ADGRL3: variants seen among roughly 807,000 people sequenced by gnomAD.
ADGRL3 encodes adhesion G protein-coupled receptor L3.
ADGRL3 carries 62 observed loss-of-function variants against 153.5 expected under a neutral mutation model. The observed-to-expected ratio is 0.40, with a 90% CI of 0.33 to 0.50. ADGRL3 has a LOEUF of 0.50. ADGRL3 is among the 20% of genes least tolerant of loss of function. The pLI is 0.47. For synonymous variants in ADGRL3, 710 were observed against 672.5 expected, an observed-to-expected ratio of 1.06 and a Z score of -0.86; for missense variants, 1,641 against 1,859.4, an observed-to-expected ratio of 0.88 and a Z score of 2.16.
intron 2 of ADGRL3, among the ~76,000 whole-genome samples, chr4:61,400,004 G>A (rs2096911158): frequency 6.6e-6 from 1 of 151,702 alleles, no homozygotes; most frequent in African/African-American, 2.4e-5. Flanking sequence ...ATACCCCTGA[G>A]ACAATATAAT....
At chr4:61,743,406 G>C (rs2096609212) in intron 8 of ADGRL3, among the ~76,000 whole-genome samples, 1 of 151,006 alleles carries the variant, frequency 6.6e-6, no homozygotes, top group South Asian at 2.1e-4. Context: ...TTCGGTATTT[G>C]TTGACATTAA....
intron 1 of ADGRL3, among the ~76,000 whole-genome samples, chr4:61,245,517 G>C (rs1191620130): frequency 1.3e-5 from 2 of 152,040 alleles, no homozygotes; most frequent in East Asian, 1.9e-4. Context: ...TACAACACAA[G>C]AGGCATTGTC....
At chr4:61,685,254 A>G (rs1012184339) in intron 6 of ADGRL3, among the ~76,000 whole-genome samples, 6 of 152,188 alleles carry the variant, frequency 3.9e-5, no homozygotes, top group Admixed American at 3.3e-4. Context: ...GCTAGTAATA[A>G]GTTCTTACAG....
At chr4:61,902,445 C>T (rs994737796) in intron 11 of ADGRL3, among the ~76,000 whole-genome samples, 7 of 152,294 alleles carry the variant, frequency 4.6e-5, no homozygotes, top group Non-Finnish European at 7.3e-5. Flanking sequence ...CCTGAACCCT[C>T]TAATCCTTTC....
At chr4:61,324,571 A>G (rs983264169) in intron 1 of ADGRL3, among the ~76,000 whole-genome samples, 16 of 152,226 alleles carry the variant, frequency 1.1e-4, no homozygotes, top group African/African-American at 3.9e-4. Flanking sequence ...TTTAGATTAT[A>G]AAATTGACTT....
chr4:61,262,665 A>G (rs62312903), intron 1 of ADGRL3, among the ~76,000 whole-genome samples: 10,056 of 152,112 alleles, frequency 0.066, 471 homozygotes, highest in Non-Finnish European at 0.096. Context: ...GTCATTGTTA[A>G]GAGCGTTTAT....
intron 9 of ADGRL3, among the ~76,000 whole-genome samples, chr4:61,842,580 A>G (rs1018113320): frequency 1.2e-4 from 18 of 152,062 alleles, no homozygotes; most frequent in African/African-American, 3.4e-4. Flanking sequence ...CCCCTGGTAG[A>G]AAAAAAGCAT....
chr4:61,751,713 A>C (rs989876547), intron 8 of ADGRL3, among the ~76,000 whole-genome samples: 1 of 152,184 alleles, frequency 6.6e-6, no homozygotes, highest in African/African-American at 2.4e-5. Flanking sequence ...TGGAGACTGA[A>C]TATGTATTAG....
intron 16 of ADGRL3, 71 bp downstream of exon 16, chr4:61,947,193 T>G: frequency 1.7e-6 from 2 of 1,183,994 alleles, no homozygotes; most frequent in South Asian, 2.8e-5. Context: ...ATTAAGTGTA[T>G]TAATTTTCTT....
chr4:61,998,624 G>A (rs1380120324), intron 21 of ADGRL3, among the ~76,000 whole-genome samples: 2 of 150,760 alleles, frequency 1.3e-5, no homozygotes, highest in Admixed American at 1.3e-4. Flanking sequence ...TGCCCAGTCT[G>A]GAGTGCAGTG....
At chr4:61,717,329 G>A (rs2096140177) in intron 6 of ADGRL3, among the ~76,000 whole-genome samples, 1 of 151,904 alleles carries the variant, frequency 6.6e-6, no homozygotes, top group African/African-American at 2.4e-5. Context: ...CTTTGAAATA[G>A]GGCATCGGAA....
chr4:61,744,140 G>T (rs896925673), intron 8 of ADGRL3, among the ~76,000 whole-genome samples: 1 of 152,160 alleles, frequency 6.6e-6, no homozygotes, highest in African/African-American at 2.4e-5. Context: ...CAAACTGCAA[G>T]GCAGCAGCGA....
chr4:61,676,734 A>G (rs551720867), intron 5 of ADGRL3, 92 bp from the exon 6 acceptor site: 18 of 899,024 alleles, frequency 2.0e-5, no homozygotes, highest in Admixed American at 1.1e-4. Context: ...TCAAATCTGT[A>G]TAACAGGAAC....
rs1313869778 is a variant in ADGRL3 at position 61,201,640 on chromosome 4, G to C, written c.-365G>C. 6.6e-6 allele frequency: 1 copy of C among 152,608 alleles called. No individual in the cohort carries two copies. Among genetic ancestry groups the C allele is most frequent in the Admixed American group, 6.5e-5 (1 of 15,280 alleles). The allele number at this position is 152,608 out of a possible 1,614,324, so 9.5% of individuals were successfully genotyped here. Reference sequence around the variant, plus strand: ...CTCGTTATTTGCCGCGTGTGGTTGGGGGTGTCTGCACAGGGGCCGGCCGGT... The same window carrying C: ...CTCGTTATTTGCCGCGTGTGGTTGGCGGTGTCTGCACAGGGGCCGGCCGGT... On this transcript the variant is annotated 5_prime_UTR_variant, in exon 1 of 27. Coordinates refer to ENST00000683033, the MANE Select transcript of ADGRL3 (RefSeq NM_001387552.1).
chr4:61,299,862 A>G (rs1017445337), intron 1 of ADGRL3, among the ~76,000 whole-genome samples: 8 of 152,194 alleles, frequency 5.3e-5, no homozygotes, highest in Admixed American at 6.5e-5. Flanking sequence ...CTAAAAGATT[A>G]CCAAGAAAAT....
At chr4:61,822,184 T>C (rs2097762209) in intron 9 of ADGRL3, among the ~76,000 whole-genome samples, 1 of 152,200 alleles carries the variant, frequency 6.6e-6, no homozygotes, top group Admixed American at 6.5e-5. Context: ...TTGATTGCAT[T>C]AAATTAAAAC....
At chr4:61,771,517 C>T (rs2097085905) in intron 8 of ADGRL3, among the ~76,000 whole-genome samples, 1 of 152,150 alleles carries the variant, frequency 6.6e-6, no homozygotes, top group African/African-American at 2.4e-5. Context: ...AGTAAATTTT[C>T]CTGACACAAT....
At chr4:61,520,652 CTGTG>C (rs545112505) in intron 4 of ADGRL3, among the ~76,000 whole-genome samples, 1,186 of 118,552 alleles carry the variant, frequency 0.01, 13 homozygotes, top group Non-Finnish European at 0.015. Flanking sequence ...CTATAAACCT[CTGTG>C]TGTGTGTGTG....
chr4:61,738,940 A>T (rs2151893719), intron 8 of ADGRL3, among the ~76,000 whole-genome samples: 1 of 152,312 alleles, frequency 6.6e-6, no homozygotes, highest in African/African-American at 2.4e-5. Context: ...GTTTAGAAGA[A>T]GTTTAAAATT....
Sources: gnomAD v4.1 joint callset for allele counts (sites outside exome capture counted in the v4.1 genomes callset) on GRCh38, gnomAD v4.1.1 for gene constraint, MANE v1.5 for transcripts, NCBI Gene and HGNC (gene_info 2026-07-23, HGNC 2026-07-21) for gene names.